The following SYN3 variants were observed in gnomAD, a reference collection of about 807,000 sequenced individuals.
SYN3 encodes synapsin-3.
Under a neutral mutation model 65.8 loss-of-function variants are expected in SYN3, and 35 were observed. The observed-to-expected ratio is 0.53, with a 90% CI of 0.41 to 0.70. The LOEUF is 0.70. Ranked by LOEUF, SYN3 falls within the 30% of genes least tolerant of loss-of-function variation. The probability of loss-of-function intolerance (pLI) is 0.00; values close to 1 mark genes in which losing one functional copy is unlikely to be tolerated. For synonymous variants in SYN3, 270 were observed against 292.9 expected (o/e 0.92, Z 0.80); for missense variants, 680 against 749.0 (o/e 0.91, Z 1.08).
chr22:32,560,968 A>G (rs982784574), intron 7 of SYN3, among the ~76,000 whole-genome samples: 11 of 152,144 alleles, frequency 7.2e-5, no homozygotes, highest in Admixed American at 4.6e-4. Flanking sequence ...GAAATGCAGG[A>G]GTGGAGGATG....
At chr22:32,636,973 C>T (rs1425801383) in intron 6 of SYN3, among the ~76,000 whole-genome samples, 1 of 152,210 alleles carries the variant, frequency 6.6e-6, no homozygotes, top group African/African-American at 2.4e-5. Context: ...AGTAAGGCCA[C>T]TCCACCCTGT....
In SYN3 at chr22:32,928,950, A is replaced by T. The variant is rs1008767147; in HGVS notation, c.461+2440T>A. Reference sequence around the variant, plus strand: ...GATGTTAAACACAATAATTTTGATTACTGTAGTTTTCATTTCCAGAAGTTG... The same window carrying T: ...GATGTTAAACACAATAATTTTGATTTCTGTAGTTTTCATTTCCAGAAGTTG... On this transcript the variant is annotated intron_variant, in intron 4 of 13. Transcript: ENST00000358763. 4.4e-4 allele frequency among the ~76,000 whole-genome samples: 67 copies of T among 152,098 alleles called. 1 individual carries two copies. Among genetic ancestry groups the T allele is most frequent in the Admixed American group, 4.3e-3 (66 of 15,270 alleles).
At chr22:32,830,953 G>GT (rs201162932) in intron 6 of SYN3, among the ~76,000 whole-genome samples, 22 of 151,754 alleles carry the variant, frequency 1.4e-4, no homozygotes, top group Admixed American at 2.0e-4. Context: ...AAAAATGTGT[G>GT]TTTTTTTTTC....
intron 6 of SYN3, among the ~76,000 whole-genome samples, chr22:32,700,709 A>G (rs2060799907): frequency 2.6e-5 from 4 of 152,230 alleles, no homozygotes; most frequent in Admixed American, 2.0e-4. Context: ...TCATATGGCC[A>G]GTGCTTCTAG....
intron 7 of SYN3, among the ~76,000 whole-genome samples, chr22:32,579,581 T>C (rs1487166277): frequency 6.6e-6 from 1 of 152,210 alleles, no homozygotes; most frequent in Non-Finnish European, 1.5e-5. Context: ...AACCTAATAA[T>C]ATGTTTAGGA....
chr22:32,637,152 C>T (rs1382569779), intron 6 of SYN3, among the ~76,000 whole-genome samples: 1 of 152,198 alleles, frequency 6.6e-6, no homozygotes, highest in Non-Finnish European at 1.5e-5. Context: ...GCCTGCAATT[C>T]TAAATCTTAC....
At chr22:32,539,414 A>T (rs1204882719) in intron 8 of SYN3, among the ~76,000 whole-genome samples, 1 of 152,206 alleles carries the variant, frequency 6.6e-6, no homozygotes, top group African/African-American at 2.4e-5. Flanking sequence ...ACGAAGTGGT[A>T]CCAGATGAAA....
intron 7 of SYN3, among the ~76,000 whole-genome samples, chr22:32,573,776 T>G (rs1375230052): frequency 6.7e-6 from 1 of 148,388 alleles, no homozygotes; most frequent in Non-Finnish European, 1.5e-5. Context: ...TTTTTTTTTT[T>G]TTTTTTTTTG....
intron 6 of SYN3, among the ~76,000 whole-genome samples, chr22:32,642,490 G>A (rs2059915868): frequency 6.6e-6 from 1 of 150,810 alleles, no homozygotes; most frequent in Admixed American, 6.6e-5. Flanking sequence ...GCCCAGGCTG[G>A]AGTGCAGTGG....
At chr22:32,988,266 C>A (rs1406615243) in intron 2 of SYN3, among the ~76,000 whole-genome samples, 1 of 151,042 alleles carries the variant, frequency 6.6e-6, no homozygotes, top group South Asian at 2.1e-4. Flanking sequence ...AAGATCTCGC[C>A]ACTGCACTCC....
At chr22:32,638,784 T>G (rs2059854976) in intron 6 of SYN3, among the ~76,000 whole-genome samples, 1 of 152,204 alleles carries the variant, frequency 6.6e-6, no homozygotes, top group African/African-American at 2.4e-5. Context: ...CTCTGCTGAT[T>G]GTTTATTTAG....
At chr22:32,685,468 C>G (rs967871845) in intron 6 of SYN3, among the ~76,000 whole-genome samples, 2 of 152,218 alleles carry the variant, frequency 1.3e-5, no homozygotes, top group Non-Finnish European at 2.9e-5. Context: ...TGGAGCTGCC[C>G]TATACAGGTG....
rs151197989 is a variant in SYN3, at chr22:32,575,113, C to T, written c.774+21561G>A. The stretch of plus-strand genomic sequence containing the variant: ...AGGGAATGGCGCCATGCCGGGAGCC[C>T]GGCTGGGTGGGTCTCTAGATCTCTT... On this transcript the variant is annotated intron_variant, in intron 7 of 13. Transcript: ENST00000358763. Among the ~76,000 whole-genome samples the T allele has an allele frequency of 4.7e-4, 72 of 152,320 alleles. 2 individuals are homozygous for T. Among genetic ancestry groups the T allele is most frequent in the African/African-American group, 1.6e-3 (68 of 41,570 alleles).
intron 6 of SYN3, among the ~76,000 whole-genome samples, chr22:32,704,259 C>T (rs539479143): frequency 3.0e-4 from 45 of 152,204 alleles, no homozygotes; most frequent in Middle Eastern, 3.4e-3. Flanking sequence ...CTGTTGTCCC[C>T]CTTTGTGTTC....
At chr22:32,917,829 G>C (rs1223215473) in intron 4 of SYN3, among the ~76,000 whole-genome samples, 2 of 152,246 alleles carry the variant, frequency 1.3e-5, no homozygotes, top group Non-Finnish European at 2.9e-5. Context: ...CGCTTTACAG[G>C]CTCACACTGC....
intron 6 of SYN3, among the ~76,000 whole-genome samples, chr22:32,718,242 C>T (rs5994609): frequency 8.6e-4 from 131 of 152,214 alleles, no homozygotes; most frequent in African/African-American, 2.9e-3. Flanking sequence ...ACATCCCCTT[C>T]TAGGGCCCTC....
At chr22:32,682,083 G>T (rs2060531276) in intron 6 of SYN3, among the ~76,000 whole-genome samples, 1 of 80,466 alleles carries the variant, frequency 1.2e-5, no homozygotes, top group African/African-American at 3.4e-5. Context: ...AGCAGGGGTT[G>T]CAGAGGGTGG....
intron 1 of SYN3, among the ~76,000 whole-genome samples, chr22:33,044,707 C>A (rs1205553427): frequency 1.3e-5 from 2 of 151,850 alleles, no homozygotes; most frequent in Admixed American, 1.3e-4. Flanking sequence ...TCCCCAGCTC[C>A]CCCTAGGGTT....
chr22:32,518,096 G>A lies in SYN3; in HGVS notation c.1557C>T (p.Thr519=). Residue 519 remains threonine (T), a synonymous_variant, in exon 13 of 14, where the codon ACC becomes ACT. Transcript: ENST00000358763. The part of the protein sequence containing the change: ...QPRPPVQGRS[T]SQQGEESKKP... ...TCTTGGACTCTTCACCCTGCTGGGA[G>A]GTACTACGGCCCTGCACAGGGGGCC... 1 of 1,556,388 alleles carries A rather than the reference G, an allele frequency of 6.4e-7. No homozygotes were observed. The highest frequency in any genetic ancestry group is 8.7e-7 in the Non-Finnish European group (1 of 1,154,022).
Sources: gnomAD v4.1 joint callset for allele counts (sites outside exome capture counted in the v4.1 genomes callset) on GRCh38, gnomAD v4.1.1 for gene constraint, MANE v1.5 for transcripts, NCBI Gene and HGNC (gene_info 2026-07-23, HGNC 2026-07-21) for gene names.